The following ZDHHC17 variants were observed in gnomAD, a reference collection of about 807,000 sequenced individuals.
ZDHHC17 encodes the protein zDHHC palmitoyltransferase 17.
In ZDHHC17, 40 loss-of-function variants were observed where a neutral mutation model predicts 90.3. That is an observed-to-expected ratio of 0.44 (90% CI 0.34 to 0.58). ZDHHC17 has a LOEUF of 0.58. Ranked by LOEUF, ZDHHC17 falls within the 20% of genes least tolerant of loss-of-function variation. ZDHHC17 has a pLI of 0.01. For synonymous variants in ZDHHC17, 235 were observed against 252.4 expected, an observed-to-expected ratio of 0.93 and a Z score of 0.65; for missense variants, 614 against 780.8, an observed-to-expected ratio of 0.79 and a Z score of 2.55.
chr12:76,790,134 C>T (rs1400130606), intron 1 of ZDHHC17, among the ~76,000 whole-genome samples: 2 of 151,734 alleles, frequency 1.3e-5, no homozygotes, highest in Non-Finnish European at 2.9e-5. Context: ...AAATCTAGAC[C>T]TCTTATAAAA....
chr12:76,770,566 G>A (rs1044042871), intron 1 of ZDHHC17, among the ~76,000 whole-genome samples: 6 of 152,132 alleles, frequency 3.9e-5, no homozygotes, highest in African/African-American at 1.4e-4. Context: ...GAAATGATTC[G>A]TGGTCCTCCT....
At chr12:76,779,377 G>GGCCTCACAATCATGGCACTC (rs1199166233) in intron 1 of ZDHHC17, among the ~76,000 whole-genome samples, 4 of 152,138 alleles carry the variant, frequency 2.6e-5, no homozygotes, top group African/African-American at 9.7e-5. Context: ...TGGCTGGGGA[G>GGCCTCACAATCATGGCACTC]GCCTCACAAT....
chr12:76,822,332 G>A, intron 7 of ZDHHC17, 74 bp from the exon 8 acceptor site: 1 of 1,548,346 alleles, frequency 6.5e-7, no homozygotes, highest in Non-Finnish European at 8.8e-7. Flanking sequence ...AATTTTTATA[G>A]AAGTTCTTTA....
At chr12:76,784,534 G>A (rs1195911163) in intron 1 of ZDHHC17, among the ~76,000 whole-genome samples, 2 of 152,302 alleles carry the variant, frequency 1.3e-5, no homozygotes, top group East Asian at 3.9e-4. Flanking sequence ...ATCAATTTGT[G>A]AGGAAAAAAT....
intron 11 of ZDHHC17, among the ~76,000 whole-genome samples, chr12:76,842,345 G>A (rs1176047028): frequency 6.6e-6 from 1 of 152,184 alleles, no homozygotes; most frequent in Non-Finnish European, 1.5e-5. Flanking sequence ...TGCTGTGATT[G>A]CTTTGAGGGG....
chr12:76,845,816 G>A lies in ZDHHC17; in HGVS notation c.1423+14G>A. 8 of 1,427,844 alleles carry A rather than the reference G, an allele frequency of 5.6e-6. No homozygotes were observed. The highest frequency in any genetic ancestry group is 6.9e-6 in the Non-Finnish European group (7 of 1,014,222). The allele number at this position is 1,427,844 out of a possible 1,614,324, so 88.4% of individuals were successfully genotyped here. On this transcript the variant is annotated intron_variant, in intron 13 of 16. Transcript: ENST00000426126. ...GTAACTGTGTAGGTAAGTTGTATTAGTAATTTCTTCTGTATCATTCATTTA... is the reference window on the plus strand; with the variant it reads ...GTAACTGTGTAGGTAAGTTGTATTAATAATTTCTTCTGTATCATTCATTTA...
At chr12:76,800,951 A>G (rs956744219) in intron 2 of ZDHHC17, among the ~76,000 whole-genome samples, 10 of 142,488 alleles carry the variant, frequency 7.0e-5, no homozygotes, top group African/African-American at 2.6e-4. Context: ...GCCATGGCGC[A>G]ATCTCAGCTC....
chr12:76,845,841 AAG>A lies in ZDHHC17; in HGVS notation c.1423+40_1423+41del, dbSNP rs1404714100. On this transcript the variant is annotated intron_variant, in intron 13 of 16. Transcript: ENST00000426126. ...GTAATTTCTTCTGTATCATTCATTTAAGTTACTTTAGGTAATGAATAAAGTAT... is the reference window on the plus strand; with the variant it reads ...GTAATTTCTTCTGTATCATTCATTTATTACTTTAGGTAATGAATAAAGTAT... 6 of 1,151,894 alleles carry A rather than the reference AAG, an allele frequency of 5.2e-6. No homozygotes were observed. In the African/African-American group the frequency reaches 7.8e-5, roughly 15 times the overall value. The allele number at this position is 1,151,894 out of a possible 1,614,324, so 71.4% of individuals were successfully genotyped here. A position where few individuals can be genotyped will look rare whatever the true frequency, so the allele number is the denominator to read the frequency against.
chr12:76,800,851 C>G (rs1240526783), intron 2 of ZDHHC17, among the ~76,000 whole-genome samples: 1 of 145,110 alleles, frequency 6.9e-6, no homozygotes, highest in Non-Finnish European at 1.5e-5. Context: ...AAAGTAATTA[C>G]TAATAAAGAG....
chr12:76,775,533 T>C (rs1209074235), intron 1 of ZDHHC17, among the ~76,000 whole-genome samples: 2 of 152,180 alleles, frequency 1.3e-5, no homozygotes, highest in East Asian at 3.8e-4. Flanking sequence ...AGTAAGTCTG[T>C]AAAAGATTTT....
chr12:76,837,238 T>A (rs1215873325), intron 10 of ZDHHC17, among the ~76,000 whole-genome samples: 2 of 152,186 alleles, frequency 1.3e-5, no homozygotes, highest in Non-Finnish European at 2.9e-5. Flanking sequence ...CAGGTTCAGG[T>A]GGCTCTTGTG....
intron 5 of ZDHHC17, among the ~76,000 whole-genome samples, chr12:76,810,129 T>C (rs1953002020): frequency 6.6e-6 from 1 of 152,142 alleles, no homozygotes; most frequent in South Asian, 2.1e-4. Flanking sequence ...AAAATATAAG[T>C]ATCTATTTTT....
At chr12:76,788,310 A>G (rs887634655) in intron 1 of ZDHHC17, among the ~76,000 whole-genome samples, 2 of 152,204 alleles carry the variant, frequency 1.3e-5, no homozygotes, top group African/African-American at 4.8e-5. Context: ...ACTTGGACAC[A>G]CTTATCTTTC....
intron 5 of ZDHHC17, among the ~76,000 whole-genome samples, chr12:76,810,962 A>G (rs1445209031): frequency 6.6e-6 from 1 of 152,134 alleles, no homozygotes; most frequent in Non-Finnish European, 1.5e-5. Flanking sequence ...TTCTTTCTCT[A>G]TGTAGTGTCA....
chr12:76,819,993 TAAA>T (rs71085459), intron 7 of ZDHHC17, among the ~76,000 whole-genome samples: 1,646 of 140,746 alleles, frequency 0.012, 27 homozygotes, highest in African/African-American at 0.023. Context: ...AACTATGTCT[TAAA>T]AAAAAAAAAA....
At chr12:76,764,752 A>G (rs766467228) in intron 1 of ZDHHC17, 32 of 462,480 alleles carry the variant, frequency 6.9e-5, no homozygotes, top group Non-Finnish European at 1.2e-4. Flanking sequence ...GACGGTATCT[A>G]TTGCTTCCTT....
intron 16 of ZDHHC17, among the ~76,000 whole-genome samples, chr12:76,850,161 C>T (rs542747843): frequency 9.9e-5 from 15 of 152,102 alleles, no homozygotes; most frequent in African/African-American, 2.2e-4. Flanking sequence ...ATGATCCACC[C>T]GCCTCGGCCT....
intron 10 of ZDHHC17, among the ~76,000 whole-genome samples, chr12:76,830,412 T>C (rs1953285865): frequency 6.6e-6 from 1 of 152,238 alleles, no homozygotes; most frequent in African/African-American, 2.4e-5. Context: ...TACTGCATTA[T>C]GTAATTTCAG....
chr12:76,793,204 C>T (rs1208549462), intron 1 of ZDHHC17, among the ~76,000 whole-genome samples: 3 of 152,166 alleles, frequency 2.0e-5, no homozygotes, highest in Admixed American at 6.6e-5. Flanking sequence ...TATCTAAAAA[C>T]AAATAATGAA....
Sources: gnomAD v4.1 joint callset for allele counts (sites outside exome capture counted in the v4.1 genomes callset) on GRCh38, gnomAD v4.1.1 for gene constraint, MANE v1.5 for transcripts, NCBI Gene and HGNC (gene_info 2026-07-23, HGNC 2026-07-21) for gene names.